Variants in CSPP1 observed in about 807,000 individuals in gnomAD.
The protein encoded by CSPP1 is centrosome and spindle pole-associated protein 1.
CSPP1 carries 126 observed loss-of-function variants against 164.4 expected under a neutral mutation model. That is an observed-to-expected ratio of 0.77 (90% confidence interval 0.66 to 0.89). The LOEUF is 0.89. Ranked by LOEUF, CSPP1 falls within the 40% of genes least tolerant of loss-of-function variation. The probability of loss-of-function intolerance (pLI) is 0.00; values close to 1 mark genes in which losing one functional copy is unlikely to be tolerated. For missense variants in CSPP1, 1,395 were observed against 1,449.8 expected (o/e 0.96, Z 0.61); for synonymous variants, 472 against 476.7 (o/e 0.99, Z 0.13).
intron 15 of CSPP1, among the ~76,000 whole-genome samples, chr8:67,125,948 T>A (rs1819970595): frequency 6.6e-6 from 1 of 152,232 alleles, no homozygotes; most frequent in African/African-American, 2.4e-5. Flanking sequence ...TTGTCCTGCC[T>A]CAGCCTCCTG....
At chr8:67,149,114 G>C (rs900550853) in intron 17 of CSPP1, among the ~76,000 whole-genome samples, 1 of 152,096 alleles carries the variant, frequency 6.6e-6, no homozygotes, top group East Asian at 1.9e-4. Flanking sequence ...TGGCTCAGGA[G>C]GCCTTAGTTC....
chr8:67,076,997 A>G (rs1808062175), intron 3 of CSPP1, among the ~76,000 whole-genome samples: 1 of 152,162 alleles, frequency 6.6e-6, no homozygotes, highest in Admixed American at 6.5e-5. Context: ...ATTGATGATC[A>G]TGTTGGAATT....
chr8:67,157,683 T>A (rs2129559927), intron 19 of CSPP1: 1 of 152,344 alleles, frequency 6.6e-6, no homozygotes, highest in Middle Eastern at 3.4e-3. Flanking sequence ...CTAAAATCTG[T>A]TGATAACTTT....
chr8:67,169,599 A>G (rs79516447), intron 24 of CSPP1, among the ~76,000 whole-genome samples: 19,558 of 151,498 alleles, frequency 0.13, 2,546 homozygotes, highest in African/African-American at 0.33. Flanking sequence ...ACCCCCACGC[A>G]CGGCTAATTT....
intron 9 of CSPP1, 45 bp from the exon 10 acceptor site, chr8:67,111,927 G>T: frequency 2.5e-6 from 3 of 1,193,880 alleles, no homozygotes; most frequent in Non-Finnish European, 3.6e-6. Flanking sequence ...AATTGCATAC[G>T]ATGCTTAAGA....
chr8:67,143,063 T>C (rs764973215), intron 17 of CSPP1, among the ~76,000 whole-genome samples: 2 of 152,220 alleles, frequency 1.3e-5, no homozygotes, highest in Admixed American at 1.3e-4. Context: ...TTGTTCGAAT[T>C]TTACCAGTTT....
chr8:67,156,693 T>G (rs1170248171), intron 19 of CSPP1, among the ~76,000 whole-genome samples: 1 of 152,212 alleles, frequency 6.6e-6, no homozygotes, highest in African/African-American at 2.4e-5. Context: ...ACAAAGATGG[T>G]AAGAAATTAG....
rs758927879 is a variant in CSPP1 at position 67,074,353 on chromosome 8, T to G, written c.99+2T>G. 1 of 1,548,684 alleles carries G rather than the reference T, an allele frequency of 6.5e-7. No individual in the cohort carries two copies. Among genetic ancestry groups the G allele is most frequent in the South Asian group, 1.2e-5 (1 of 85,876 alleles). On this transcript the variant is annotated splice_donor_variant, in intron 2 of 30. Coordinates refer to ENST00000678616, the MANE Select transcript of CSPP1 (RefSeq NM_001382391.1). LOFTEE classifies it high-confidence loss of function. ...GATCCACCTTACATGGAAATGAAGGTAAATTTAATAATTTTCTTTGAACAT... is the reference window on the plus strand; with the variant it reads ...GATCCACCTTACATGGAAATGAAGGGAAATTTAATAATTTTCTTTGAACAT...
At chr8:67,169,364 CTTGTAAAGTCCA>C (rs1390423111) in intron 24 of CSPP1, among the ~76,000 whole-genome samples, 1 of 152,160 alleles carries the variant, frequency 6.6e-6, no homozygotes, top group Non-Finnish European at 1.5e-5. Flanking sequence ...TATCAAGTTC[CTTGTAAAGTCCA>C]TTGTAAAGTT....
intron 17 of CSPP1, among the ~76,000 whole-genome samples, chr8:67,148,805 G>A (rs1586523295): frequency 6.6e-6 from 1 of 152,112 alleles, no homozygotes; most frequent in East Asian, 1.9e-4. Flanking sequence ...TTTAAGTTCT[G>A]TAATCATTCA....
chr8:67,115,252 A>C (rs1279283208), intron 12 of CSPP1: 1 of 152,292 alleles, frequency 6.6e-6, no homozygotes, highest in Non-Finnish European at 1.5e-5. Flanking sequence ...AGTACATAAA[A>C]AGAATACTAC....
rs1049378347 is a variant in CSPP1 at position 67,074,125 on chromosome 8, T to C, written c.-10-118T>C. On this transcript the variant is annotated intron_variant, in intron 1 of 30. Transcript: ENST00000678616. ...GGCATATTTATGATCAATCTTAAGT[T>C]TGAATTTCTCAATTTGATAAGTGAG... The C allele has an allele frequency of 1.3e-5, 8 of 607,558 alleles. No homozygotes were observed. In the African/African-American group the frequency reaches 1.3e-4, roughly 10 times the overall value. The allele number at this position is 607,558 out of a possible 1,614,324, so 37.6% of individuals were successfully genotyped here.
intron 15 of CSPP1, among the ~76,000 whole-genome samples, chr8:67,121,264 G>T (rs553829431): frequency 6.6e-6 from 1 of 152,274 alleles, no homozygotes; most frequent in Non-Finnish European, 1.5e-5. Context: ...TGATCTTAGA[G>T]GAAAAGCTTT....
chr8:67,169,596 C>A (rs187893460), intron 24 of CSPP1, among the ~76,000 whole-genome samples: 1 of 152,018 alleles, frequency 6.6e-6, no homozygotes, highest in Non-Finnish European at 1.5e-5. Flanking sequence ...CCCACCCCCA[C>A]GCACGGCTAA....
chr8:67,178,622 GC>G (rs2129570086), intron 27 of CSPP1, among the ~76,000 whole-genome samples: 1 of 152,286 alleles, frequency 6.6e-6, no homozygotes, highest in Non-Finnish European at 1.5e-5. Context: ...GGGCATGGGG[GC>G]TCACTGGGTA....
intron 24 of CSPP1, among the ~76,000 whole-genome samples, chr8:67,170,034 G>A (rs1041445358): frequency 6.6e-6 from 1 of 152,162 alleles, no homozygotes; most frequent in Non-Finnish European, 1.5e-5. Context: ...GAGCCACAGG[G>A]CCCTGCCTAT....
At chr8:67,083,546 AAAATATAT>A (rs1193557144) in intron 3 of CSPP1, 96 of 121,720 alleles carry the variant, frequency 7.9e-4, no homozygotes, top group African/African-American at 2.9e-3. Flanking sequence ...AAAAAAAAAA[AAAATATAT>A]ATATATATAT....
intron 15 of CSPP1, among the ~76,000 whole-genome samples, chr8:67,125,040 T>C (rs1349633610): frequency 6.6e-6 from 1 of 152,172 alleles, no homozygotes; most frequent in East Asian, 1.9e-4. Context: ...TAATATCTTT[T>C]ATATTTGCCC....
At chr8:67,116,249 ATAAAT>A in intron 13 of CSPP1, 127 bp downstream of exon 13, 1 of 643,076 alleles carries the variant, frequency 1.6e-6, no homozygotes, top group Admixed American at 3.0e-5. Flanking sequence ...GTTTTGTGAA[ATAAAT>A]TCTCTTGAAA....
Sources: allele counts gnomAD v4.1 joint callset (sites outside exome capture counted in the v4.1 genomes callset), GRCh38; gene constraint gnomAD v4.1.1; transcripts MANE v1.5; gene names NCBI Gene and HGNC (gene_info 2026-07-23, HGNC 2026-07-21).